Variants in CDC14B observed in about 807,000 individuals in gnomAD.
CDC14B encodes dual specificity protein phosphatase CDC14B.
In CDC14B, 22 loss-of-function variants were observed where a neutral mutation model predicts 64.2. That is an observed-to-expected ratio of 0.34 (90% CI 0.24 to 0.49). The LOEUF is 0.49. Among genes scored for constraint, CDC14B ranks in the 20% least tolerant of loss-of-function variants. CDC14B has a pLI of 0.99. For synonymous variants in CDC14B, 191 were observed against 215.8 expected (o/e 0.89, Z 1.01); for missense variants, 498 against 629.9 (o/e 0.79, Z 2.24).
chr9:96,543,339 CAA>C (rs769986555), intron 5 of CDC14B, among the ~76,000 whole-genome samples: 2 of 134,706 alleles, frequency 1.5e-5, no homozygotes, highest in African/African-American at 2.7e-5. Flanking sequence ...AGACTCGTCT[CAA>C]AAAAAAAAAA....
At chr9:96,603,153 C>T (rs1428343677) in intron 1 of CDC14B, among the ~76,000 whole-genome samples, 2 of 134,666 alleles carry the variant, frequency 1.5e-5, no homozygotes, top group Non-Finnish European at 3.0e-5. Context: ...GTGATAGAAA[C>T]GGACACACAC....
chr9:96,568,922 G>GAA (rs61084994), intron 1 of CDC14B, among the ~76,000 whole-genome samples: 4 of 134,310 alleles, frequency 3.0e-5, no homozygotes, highest in Admixed American at 7.5e-5. Context: ...CATCTCAAAA[G>GAA]AAAAAAAAAA....
At chr9:96,536,347 C>T (rs978197008) in intron 7 of CDC14B, among the ~76,000 whole-genome samples, 2 of 152,180 alleles carry the variant, frequency 1.3e-5, no homozygotes, top group Non-Finnish European at 1.5e-5. Context: ...AAAGGCATCA[C>T]TACAAAAGGA....
At chr9:96,611,943 G>T (rs1228143558) in intron 1 of CDC14B, among the ~76,000 whole-genome samples, 4 of 152,040 alleles carry the variant, frequency 2.6e-5, no homozygotes, top group Non-Finnish European at 5.9e-5. Context: ...TGGTAGAGGG[G>T]TCTCCCATCT....
chr9:96,618,430 T>C, intron 1 of CDC14B: 1 of 522,676 alleles, frequency 1.9e-6, no homozygotes, highest in South Asian at 1.4e-5. Flanking sequence ...AAATTGGATT[T>C]ATGAGTCTCC....
chr9:96,569,378 A>G (rs938552979), intron 1 of CDC14B, among the ~76,000 whole-genome samples: 14 of 152,150 alleles, frequency 9.2e-5, no homozygotes, highest in Admixed American at 2.6e-4. Context: ...AAAAAACCCA[A>G]TTGAAACTAG....
downstream of CDC14B, among the ~76,000 whole-genome samples, chr9:96,495,601 T>C (rs191382808): frequency 5.9e-5 from 9 of 152,234 alleles, no homozygotes; most frequent in East Asian, 1.7e-3. Flanking sequence ...ACAACTTGCA[T>C]GTTTTGCTGG....
chr9:96,615,650 C>T (rs1255269856), intron 1 of CDC14B, among the ~76,000 whole-genome samples: 1 of 152,168 alleles, frequency 6.6e-6, no homozygotes, highest in Admixed American at 6.5e-5. Context: ...CTTGTGGGAA[C>T]GCTGGCGGCG....
At chr9:96,564,560 T>C (rs1843658002) in intron 3 of CDC14B, among the ~76,000 whole-genome samples, 1 of 152,158 alleles carries the variant, frequency 6.6e-6, no homozygotes, top group African/African-American at 2.4e-5. Context: ...TAATTCAAAC[T>C]AGAACCAAAC....
chr9:96,494,949 C>A (rs1439204037), intron 13 of CDC14B, among the ~76,000 whole-genome samples: 1 of 151,664 alleles, frequency 6.6e-6, no homozygotes, highest in African/African-American at 2.4e-5. Flanking sequence ...ATTCTCCTGC[C>A]TCAGCCTCCC....
chr9:96,573,034 C>T (rs185014047), intron 1 of CDC14B, among the ~76,000 whole-genome samples: 9 of 152,288 alleles, frequency 5.9e-5, no homozygotes, highest in African/African-American at 1.7e-4. Flanking sequence ...CGAAGCCAGG[C>T]GTGGTGGCTT....
intron 1 of CDC14B, among the ~76,000 whole-genome samples, chr9:96,586,162 T>C (rs1029257842): frequency 5.9e-5 from 9 of 152,110 alleles, no homozygotes; most frequent in Admixed American, 3.3e-4. Context: ...TTACACTTGA[T>C]TTTTTTAAAA....
chr9:96,512,964 C>T (rs952990331), intron 12 of CDC14B, among the ~76,000 whole-genome samples: 2 of 152,072 alleles, frequency 1.3e-5, no homozygotes, highest in Non-Finnish European at 2.9e-5. Flanking sequence ...AGAGCTGATA[C>T]ACTGCCTGCT....
intron 12 of CDC14B, among the ~76,000 whole-genome samples, chr9:96,517,192 A>C (rs561524273): frequency 1.4e-3 from 209 of 149,842 alleles, no homozygotes; most frequent in Non-Finnish European, 2.5e-3. Context: ...AAATACAAAA[A>C]TTAGCCAGAC....
chr9:96,496,367 A>G (rs754707115), downstream of CDC14B: 1 of 510,954 alleles, frequency 2.0e-6, no homozygotes, highest in South Asian at 1.4e-5. Flanking sequence ...TCGCTGGAAA[A>G]GGGAGGAGAT....
intron 7 of CDC14B, among the ~76,000 whole-genome samples, chr9:96,537,451 C>T (rs1037976650): frequency 6.6e-6 from 1 of 152,170 alleles, no homozygotes; most frequent in African/African-American, 2.4e-5. Flanking sequence ...TGCCAAAGAA[C>T]ACAGGCTGGT....
chr9:96,498,624 A>T (rs1833348216), downstream of CDC14B, among the ~76,000 whole-genome samples: 1 of 152,244 alleles, frequency 6.6e-6, no homozygotes, highest in Admixed American at 6.5e-5. Context: ...AAATATCAGA[A>T]ACTGAGGGAC....
chr9:96,605,521 T>C (rs1025541994), intron 1 of CDC14B, among the ~76,000 whole-genome samples: 3 of 152,176 alleles, frequency 2.0e-5, no homozygotes, highest in Non-Finnish European at 2.9e-5. Flanking sequence ...ACCTGCCTGA[T>C]AATGAGCTAT....
At chr9:96,600,792 C>T (rs1290698466) in intron 1 of CDC14B, among the ~76,000 whole-genome samples, 2 of 152,068 alleles carry the variant, frequency 1.3e-5, no homozygotes, top group Non-Finnish European at 2.9e-5. Flanking sequence ...TGTGAGCCAC[C>T]GCACCCGGCC....
Sources: gnomAD v4.1 joint callset for allele counts (sites outside exome capture counted in the v4.1 genomes callset) on GRCh38, gnomAD v4.1.1 for gene constraint, MANE v1.5 for transcripts, NCBI Gene and HGNC (gene_info 2026-07-23, HGNC 2026-07-21) for gene names.